RSRC1: variants seen among roughly 807,000 people sequenced by gnomAD.
RSRC1 encodes the protein serine/Arginine-related protein 53.
In RSRC1, 39 loss-of-function variants were observed where a neutral mutation model predicts 49.1. That is an observed-to-expected ratio of 0.79 (90% CI 0.61 to 1.04). The LOEUF (loss-of-function observed/expected upper bound fraction) is 1.04, where lower values mean the gene tolerates loss of function less well. Ranked by LOEUF, RSRC1 falls within the 50% of genes least tolerant of loss-of-function variation. The pLI is 0.00. For missense variants in RSRC1, 388 were observed against 402.4 expected (o/e 0.96, Z 0.31); for synonymous variants, 143 against 130.8 (o/e 1.09, Z -0.63).
chr3:158,436,335 A>G (rs1436329868), intron 6 of RSRC1, among the ~76,000 whole-genome samples: 1 of 151,986 alleles, frequency 6.6e-6, no homozygotes, highest in Non-Finnish European at 1.5e-5. Context: ...GTTGAATATT[A>G]TGAGTGTAGA....
At chr3:158,494,482 G>A (rs1455844942) in intron 7 of RSRC1, among the ~76,000 whole-genome samples, 1 of 152,052 alleles carries the variant, frequency 6.6e-6, no homozygotes, top group Non-Finnish European at 1.5e-5. Flanking sequence ...TGTACGTTAG[G>A]CTATACTAAG....
chr3:158,198,365 TA>T (rs1210028433), intron 3 of RSRC1, among the ~76,000 whole-genome samples: 1 of 152,194 alleles, frequency 6.6e-6, no homozygotes, highest in Non-Finnish European at 1.5e-5. Flanking sequence ...TCCATCCCTT[TA>T]TTTTGAGCTT....
At chr3:158,300,451 T>C (rs1727480619) in intron 5 of RSRC1, among the ~76,000 whole-genome samples, 1 of 152,202 alleles carries the variant, frequency 6.6e-6, no homozygotes, top group Admixed American at 6.5e-5. Flanking sequence ...CTAAAAAGGT[T>C]CATGCCTAAA....
chr3:158,186,006 G>A (rs775057221), intron 3 of RSRC1, among the ~76,000 whole-genome samples: 7 of 151,662 alleles, frequency 4.6e-5, no homozygotes, highest in South Asian at 2.1e-4. Context: ...GTTTTTTGTC[G>A]AGAATTCTTT....
intron 6 of RSRC1, among the ~76,000 whole-genome samples, chr3:158,425,295 A>G (rs954613423): frequency 5.3e-5 from 8 of 151,866 alleles, no homozygotes; most frequent in South Asian, 2.1e-4. Flanking sequence ...GTTCTCGTTG[A>G]TTTCAAAGAA....
chr3:158,468,213 G>T (rs890834016), intron 7 of RSRC1, among the ~76,000 whole-genome samples: 1 of 152,132 alleles, frequency 6.6e-6, no homozygotes, highest in Non-Finnish European at 1.5e-5. Context: ...GATTACAGGC[G>T]TGAGCCACCG....
intron 3 of RSRC1, among the ~76,000 whole-genome samples, chr3:158,135,495 G>C (rs530548266): frequency 7.2e-6 from 1 of 139,620 alleles, no homozygotes; most frequent in Non-Finnish European, 1.6e-5. Flanking sequence ...GGCCAGGCTG[G>C]TCTCAAACTC....
intron 6 of RSRC1, among the ~76,000 whole-genome samples, chr3:158,422,524 T>C (rs1472910990): frequency 1.3e-3 from 198 of 150,956 alleles, no homozygotes; most frequent in Admixed American, 1.9e-3. Flanking sequence ...TGAATAATGC[T>C]GCAATAAACA....
chr3:158,419,839 G>T (rs1734943737), intron 6 of RSRC1, among the ~76,000 whole-genome samples: 1 of 148,850 alleles, frequency 6.7e-6, no homozygotes, highest in East Asian at 2.0e-4. Context: ...AAAAAAAGAG[G>T]CTAATGCAAC....
chr3:158,289,375 C>T (rs888595628), intron 4 of RSRC1, among the ~76,000 whole-genome samples: 2 of 152,164 alleles, frequency 1.3e-5, no homozygotes, highest in African/African-American at 4.8e-5. Context: ...ATCATAAGTC[C>T]TTGGCTGTTT....
At chr3:158,259,369 G>A (rs939628950) in intron 4 of RSRC1, among the ~76,000 whole-genome samples, 1 of 152,126 alleles carries the variant, frequency 6.6e-6, no homozygotes, top group Non-Finnish European at 1.5e-5. Flanking sequence ...GTAAGATGCA[G>A]GAGAATTTTT....
intron 6 of RSRC1, among the ~76,000 whole-genome samples, chr3:158,393,671 A>C (rs1395010711): frequency 6.6e-6 from 1 of 152,090 alleles, no homozygotes; most frequent in African/African-American, 2.4e-5. Context: ...ATCAGTAATA[A>C]AAAGGCTACC....
chr3:158,489,890 A>G (rs2108446208), intron 7 of RSRC1, among the ~76,000 whole-genome samples: 2 of 152,332 alleles, frequency 1.3e-5, no homozygotes, highest in Middle Eastern at 3.4e-3. Flanking sequence ...TTTCTGAACT[A>G]GGAAATATTG....
intron 7 of RSRC1, among the ~76,000 whole-genome samples, chr3:158,488,347 G>T (rs1738917803): frequency 6.6e-6 from 1 of 152,066 alleles, no homozygotes; most frequent in South Asian, 2.1e-4. Context: ...TAAAAGAATT[G>T]TGTATTACAA....
At chr3:158,131,969 G>A (rs1716056548) in intron 3 of RSRC1, 1 of 214,144 alleles carries the variant, frequency 4.7e-6, no homozygotes, top group Non-Finnish European at 1.0e-5. Flanking sequence ...GTTTTCTTTA[G>A]AAGTCATTTT....
intron 6 of RSRC1, among the ~76,000 whole-genome samples, chr3:158,411,768 A>G (rs569054847): frequency 6.6e-6 from 1 of 152,154 alleles, no homozygotes; most frequent in East Asian, 1.9e-4. Flanking sequence ...TATTTTATGA[A>G]GTATCTACTT....
At chr3:158,310,618 G>T (rs1301017752) in intron 5 of RSRC1, among the ~76,000 whole-genome samples, 1 of 151,724 alleles carries the variant, frequency 6.6e-6, no homozygotes, top group African/African-American at 2.4e-5. Context: ...AAAGTTAAGT[G>T]TAGCATATTC....
intron 5 of RSRC1, among the ~76,000 whole-genome samples, chr3:158,339,535 TC>T (rs1325984189): frequency 6.6e-6 from 1 of 152,170 alleles, no homozygotes; most frequent in Non-Finnish European, 1.5e-5. Flanking sequence ...TGTTGTAATT[TC>T]TCTTACACCA....
At chr3:158,394,857 C>T (rs1031266667) in intron 6 of RSRC1, among the ~76,000 whole-genome samples, 3 of 151,910 alleles carry the variant, frequency 2.0e-5, no homozygotes, top group East Asian at 1.9e-4. Context: ...CATATGGAAC[C>T]GAAAAAGAGC....
Sources: gnomAD v4.1 joint callset for allele counts (sites outside exome capture counted in the v4.1 genomes callset) on GRCh38, gnomAD v4.1.1 for gene constraint, MANE v1.5 for transcripts, NCBI Gene and HGNC (gene_info 2026-07-23, HGNC 2026-07-21) for gene names.